The following KIAA0513 variants were observed in gnomAD, a reference collection of about 807,000 sequenced individuals.
KIAA0513 encodes the protein KIAA0513.
Under a neutral mutation model 56.5 loss-of-function variants are expected in KIAA0513, and 39 were observed. The observed-to-expected ratio is 0.69, with a 90% CI of 0.53 to 0.90. The LOEUF is 0.90. Ranked by LOEUF, KIAA0513 falls within the 40% of genes least tolerant of loss-of-function variation. The pLI, the probability that KIAA0513 is intolerant of heterozygous loss-of-function variation, is 0.00. For missense variants in KIAA0513, 591 were observed against 535.2 expected, an observed-to-expected ratio of 1.10 and a Z score of -1.03; for synonymous variants, 268 against 215.6, an observed-to-expected ratio of 1.24 and a Z score of -2.13.
intron 10 of KIAA0513, among the ~76,000 whole-genome samples, chr16:85,083,152 C>A (rs550407892): frequency 6.6e-6 from 1 of 152,216 alleles, no homozygotes; most frequent in Non-Finnish European, 1.5e-5. Flanking sequence ...CCCACTTTCC[C>A]AGCCACTCGG....
chr16:85,058,069 C>G (rs973931505), intron 1 of KIAA0513, among the ~76,000 whole-genome samples: 1 of 152,224 alleles, frequency 6.6e-6, no homozygotes, highest in African/African-American at 2.4e-5. Flanking sequence ...AATTCTCCCT[C>G]CCCGGTGACT....
chr16:85,033,249 A>G (rs2072990963), intron 1 of KIAA0513, among the ~76,000 whole-genome samples: 1 of 152,090 alleles, frequency 6.6e-6, no homozygotes, highest in African/African-American at 2.4e-5. Flanking sequence ...CTGACAGTGA[A>G]TCTCCTCACT....
intron 1 of KIAA0513, among the ~76,000 whole-genome samples, chr16:85,035,783 C>A (rs1490006970): frequency 6.6e-6 from 1 of 152,054 alleles, no homozygotes; most frequent in East Asian, 1.9e-4. Context: ...TCGAGACCAT[C>A]CTGGCTAACA....
At chr16:85,055,863 G>A (rs1000206063) in intron 1 of KIAA0513, among the ~76,000 whole-genome samples, 3 of 152,170 alleles carry the variant, frequency 2.0e-5, no homozygotes, top group East Asian at 1.9e-4. Context: ...CCGAGTGCTC[G>A]GAGCCAGCCT....
At chr16:85,067,436 G>A (rs957195946) in intron 2 of KIAA0513, 36 bp downstream of exon 2, 5 of 1,524,514 alleles carry the variant, frequency 3.3e-6, no homozygotes, top group Non-Finnish European at 2.7e-6. Flanking sequence ...GCCTGGTGTG[G>A]CCACAGGGCC....
chr16:85,067,130 C>G lies in KIAA0513; in HGVS notation c.59C>G (p.Thr20Ser), dbSNP rs202122801. 6.2e-7 allele frequency: 1 copy of G among 1,612,932 alleles called. No individual in the cohort carries two copies. Among genetic ancestry groups the G allele is most frequent in the East Asian group, 2.2e-5 (1 of 44,874 alleles). The change falls in exon 2 of 13, where the codon ACC becomes AGC. Residue 20 changes from threonine to serine, a missense_variant. Coordinates refer to ENST00000683363, the MANE Select transcript of KIAA0513 (RefSeq NM_001388359.1). ...SLIDFGPEAP[T>S]SSPLEAPPPV... ...ATCGACTTTGGGCCTGAGGCACCCA[C>G]CTCTTCTCCCCTGGAGGCACCACCC... is the stretch of plus-strand genomic sequence containing the variant.
intron 1 of KIAA0513, among the ~76,000 whole-genome samples, chr16:85,041,018 G>A (rs2073098022): frequency 6.6e-6 from 1 of 152,226 alleles, no homozygotes. Flanking sequence ...CTAGAGTGCA[G>A]AATGAGATGT....
chr16:85,090,319 G>A lies in KIAA0513; in HGVS notation c.*1994G>A, dbSNP rs546717562. The A allele has an allele frequency of 6.6e-6, 1 of 152,346 alleles. No individual in the cohort carries two copies. Among genetic ancestry groups the A allele is most frequent in the East Asian group, 1.9e-4 (1 of 5,188 alleles). 9.4% of individuals were successfully genotyped at this position (152,346 alleles called of 1,614,324 possible). A position where few individuals can be genotyped will look rare whatever the true frequency, so the allele number is the denominator to read the frequency against. On this transcript the variant is annotated 3_prime_UTR_variant, in exon 13 of 13. Coordinates refer to ENST00000683363, the MANE Select transcript of KIAA0513 (RefSeq NM_001388359.1). Reference sequence around the variant, plus strand: ...GCTCCCTTCAGCCGCCTCGTCGTCAGCGTTCTTAGTCATGCATTATTCGTG... The same window carrying A: ...GCTCCCTTCAGCCGCCTCGTCGTCAACGTTCTTAGTCATGCATTATTCGTG...
chr16:85,033,850 G>A (rs1033259270), intron 1 of KIAA0513, among the ~76,000 whole-genome samples: 13 of 152,184 alleles, frequency 8.5e-5, no homozygotes, highest in African/African-American at 3.1e-4. Context: ...GATACAGAAA[G>A]ATGTCGTAGT....
intron 1 of KIAA0513, among the ~76,000 whole-genome samples, chr16:85,057,711 T>A: frequency 6.6e-6 from 1 of 151,952 alleles, no homozygotes; most frequent in East Asian, 1.9e-4. Context: ...CTAGCCCGTA[T>A]GCCAGTGCCT....
rs899959097 is a variant in KIAA0513 at position 85,077,289 on chromosome 16, C to G, written c.575-136C>G. The G allele has an allele frequency of 1.2e-5, 9 of 770,624 alleles. No homozygotes were observed. In the African/African-American group the frequency reaches 1.4e-4, roughly 12 times the overall value. The allele number at this position is 770,624 out of a possible 1,614,324, so 47.7% of individuals were successfully genotyped here. A position where few individuals can be genotyped will look rare whatever the true frequency, so the allele number is the denominator to read the frequency against. ...TGGGCCGGCTGAGCCTGCACCACCCCCTGTCCTCGGCTGAGGAGGGAGGCT... is the reference window on the plus strand; with the variant it reads ...TGGGCCGGCTGAGCCTGCACCACCCGCTGTCCTCGGCTGAGGAGGGAGGCT... On this transcript the variant is annotated intron_variant, in intron 5 of 12. Transcript: ENST00000683363.
intron 1 of KIAA0513, among the ~76,000 whole-genome samples, chr16:85,052,940 G>C (rs1019466618): frequency 6.6e-6 from 1 of 151,954 alleles, no homozygotes; most frequent in Non-Finnish European, 1.5e-5. Flanking sequence ...ACCCAGGCTG[G>C]AGTGCAGTGG....
At chr16:85,065,426 T>C (rs1368309541) in intron 1 of KIAA0513, among the ~76,000 whole-genome samples, 1 of 152,218 alleles carries the variant, frequency 6.6e-6, no homozygotes, top group African/African-American at 2.4e-5. Context: ...AGCTGAGGTT[T>C]ATGCTTCTCT....
chr16:85,037,019 G>A (rs2073045016), intron 1 of KIAA0513, among the ~76,000 whole-genome samples: 1 of 152,146 alleles, frequency 6.6e-6, no homozygotes, highest in African/African-American at 2.4e-5. Flanking sequence ...CCATAGCACT[G>A]TAGGAATAAT....
intron 1 of KIAA0513, among the ~76,000 whole-genome samples, chr16:85,038,721 A>AT (rs1555519765): frequency 1.5e-5 from 2 of 135,152 alleles, no homozygotes; most frequent in African/African-American, 6.0e-5. Flanking sequence ...AAAAAAAAAA[A>AT]AATAATAATA....
At position 85,077,514 on chromosome 16, in the gene KIAA0513, G is replaced by A. The variant is rs755537260; in HGVS notation, c.664G>A (p.Glu222Lys). 82 of 1,614,066 alleles carry A rather than the reference G, an allele frequency of 5.1e-5. No homozygotes were observed. The highest frequency in any genetic ancestry group is 6.0e-5 in the Non-Finnish European group (71 of 1,180,036). Residue 222 changes from glutamate to lysine, a missense_variant, in exon 6 of 13, where the codon GAA (glutamate) becomes AAA (lysine). Physicochemically the swap from Glu to Lys is moderately conservative, Grantham distance 56. Transcript: ENST00000683363. ...GAAATCCGCAAACAGCTGGCTGGCCGAAAAGAAGGACATCGCCGAGCGGCT... is the reference window on the plus strand; with the variant it reads ...GAAATCCGCAAACAGCTGGCTGGCCAAAAAGAAGGACATCGCCGAGCGGCT... ...YLKSANSWLA[E>K]KKDIAERLLK...
chr16:85,088,512 G>A lies in KIAA0513; in HGVS notation c.*187G>A, dbSNP rs530078428. 8.4e-6 allele frequency: 5 copies of A among 591,776 alleles called. No homozygotes were observed. The highest frequency in any genetic ancestry group is 3.8e-5 in the African/African-American group (2 of 52,902). The allele number at this position is 591,776 out of a possible 1,614,324, so 36.7% of individuals were successfully genotyped here. On this transcript the variant is annotated 3_prime_UTR_variant, in exon 13 of 13. Coordinates refer to ENST00000683363, the MANE Select transcript of KIAA0513 (RefSeq NM_001388359.1). ...CCTCATCTCCTCTGCCTGTGTCTGC[G>A]ACCCCCATCCATGTGCCAAAGTGTC...
At chr16:85,073,074 G>T (rs533544357) in intron 4 of KIAA0513, 76 bp downstream of exon 4, 9 of 1,225,106 alleles carry the variant, frequency 7.3e-6, no homozygotes, top group Non-Finnish European at 1.1e-5. Flanking sequence ...CCACCCAGCC[G>T]TGTCATAACC....
At chr16:85,087,257 G>A (rs2073820391) in intron 12 of KIAA0513, 91 bp downstream of exon 12, 1 of 1,028,168 alleles carries the variant, frequency 9.7e-7, no homozygotes, top group Non-Finnish European at 1.5e-6. Flanking sequence ...ACTGCCAGAA[G>A]GCATGTCGTG....
Sources: gnomAD v4.1 joint callset for allele counts (sites outside exome capture counted in the v4.1 genomes callset) on GRCh38, gnomAD v4.1.1 for gene constraint, MANE v1.5 for transcripts, NCBI Gene and HGNC (gene_info 2026-07-23, HGNC 2026-07-21) for gene names.